The following RUNDC3A variants were observed in gnomAD, a reference collection of about 807,000 sequenced individuals.
RUNDC3A encodes RUN domain-containing protein 3A.
In RUNDC3A, 28 loss-of-function variants were observed where a neutral mutation model predicts 53.9. That is an observed-to-expected ratio of 0.52 (90% CI 0.38 to 0.71). RUNDC3A has a LOEUF of 0.71. RUNDC3A is among the 30% of genes least tolerant of loss of function. The probability of loss-of-function intolerance (pLI) is 0.00; values close to 1 mark genes in which losing one functional copy is unlikely to be tolerated. For synonymous variants in RUNDC3A, 232 were observed against 249.4 expected (o/e 0.93, Z 0.66); for missense variants, 491 against 597.3 (o/e 0.82, Z 1.85).
chr17:44,312,805 G>T, intron 2 of RUNDC3A, 110 bp downstream of exon 2: 1 of 568,094 alleles, frequency 1.8e-6, no homozygotes, highest in South Asian at 2.0e-5. Context: ...CCAACCTTTA[G>T]CTCCCAGCCA....
Position 44,315,717 on chromosome 17 carries a change from C to T in RUNDC3A, c.953+108C>T. 1 of 1,049,360 alleles carries T rather than the reference C, an allele frequency of 9.5e-7. No homozygotes were observed. The highest frequency in any genetic ancestry group is 3.3e-5 in the East Asian group (1 of 30,552). The allele number at this position is 1,049,360 out of a possible 1,614,324, so 65.0% of individuals were successfully genotyped here. A position where few individuals can be genotyped will look rare whatever the true frequency, so the allele number is the denominator to read the frequency against. ...CTCTAACATCACCCGACACGAGCAC[C>T]CACCTCTCCAGCATCAACCCTCTGA... On this transcript the variant is annotated intron_variant, in intron 8 of 10. Coordinates refer to ENST00000426726, the MANE Select transcript of RUNDC3A (RefSeq NM_001144825.2). The surrounding 1 kb of genome is among the most constrained non-coding windows in gnomAD (Gnocchi z 6.1).
chr17:44,318,518 A>T lies in RUNDC3A; in HGVS notation c.*280A>T, dbSNP rs988570951. On this transcript the variant is annotated 3_prime_UTR_variant, in exon 11 of 11. Coordinates refer to ENST00000426726, the MANE Select transcript of RUNDC3A (RefSeq NM_001144825.2). ...CTTCTGGTGACCTTGGCGCTCCTTC[A>T]CTCATCTCCCCTGCCCCCTCAGGAA... is the stretch of plus-strand genomic sequence containing the variant. The T allele has an allele frequency of 2.3e-6, 1 of 430,816 alleles. No individual in the cohort carries two copies. Among genetic ancestry groups the T allele is most frequent in the Non-Finnish European group, 4.3e-6 (1 of 235,056 alleles). 26.7% of individuals were successfully genotyped at this position (430,816 alleles called of 1,614,324 possible). A position where few individuals can be genotyped will look rare whatever the true frequency, so the allele number is the denominator to read the frequency against.
intron 10 of RUNDC3A, chr17:44,317,656 G>A: frequency 2.9e-6 from 2 of 691,596 alleles, no homozygotes; most frequent in Non-Finnish European, 5.4e-6. Context: ...TGTATTGGAT[G>A]ACCCTAGATC....
rs1489026411 is a variant in RUNDC3A at position 44,312,715 on chromosome 17, C to T, written c.223+20C>T. On this transcript the variant is annotated intron_variant, in intron 2 of 10. Coordinates refer to ENST00000426726, the MANE Select transcript of RUNDC3A (RefSeq NM_001144825.2). ...TCAAAGGTGGGCCCAGCGCCCCTCCCCCAGCGGTCCCTCCCCCAGCGCCCC... is the reference window on the plus strand; with the variant it reads ...TCAAAGGTGGGCCCAGCGCCCCTCCTCCAGCGGTCCCTCCCCCAGCGCCCC... The T allele has an allele frequency of 1.5e-6, 2 of 1,346,038 alleles. No individual in the cohort carries two copies. Among genetic ancestry groups the T allele is most frequent in the East Asian group, 2.6e-5 (1 of 38,488 alleles). 83.4% of individuals were successfully genotyped at this position (1,346,038 alleles called of 1,614,324 possible). A position where few individuals can be genotyped will look rare whatever the true frequency, so the allele number is the denominator to read the frequency against.
At chr17:44,313,896 C>T (rs568817345) in intron 4 of RUNDC3A, 38 of 898,218 alleles carry the variant, frequency 4.2e-5, no homozygotes, top group Non-Finnish European at 5.1e-5. Flanking sequence ...TCTCAAACTC[C>T]CAACCTCAGG....
Position 44,310,955 on chromosome 17 carries a change from G to A in RUNDC3A, c.108-1625G>A, listed in dbSNP as rs115888031. On this transcript the variant is annotated intron_variant, in intron 1 of 10. Coordinates refer to ENST00000426726, the MANE Select transcript of RUNDC3A (RefSeq NM_001144825.2). ...CCGCTCCTCACCATCCCTGCCCAGCGGCCCTAGGCACCTACCTTCTCCCAA... is the reference window on the plus strand; with the variant it reads ...CCGCTCCTCACCATCCCTGCCCAGCAGCCCTAGGCACCTACCTTCTCCCAA... The A allele has an allele frequency of 1.6e-3, 1,565 of 985,442 alleles. 22 individuals are homozygous for A. In the African/African-American group the frequency reaches 0.023, roughly 15 times the overall value. The allele number at this position is 985,442 out of a possible 1,614,324, so 61.0% of individuals were successfully genotyped here.
chr17:44,316,748 C>T, intron 10 of RUNDC3A, 23 bp downstream of exon 10: 1 of 1,503,340 alleles, frequency 6.7e-7, no homozygotes, highest in Non-Finnish European at 9.0e-7. Flanking sequence ...AACCCAACAC[C>T]CAGTACCCCT....
In RUNDC3A at chr17:44,312,396, C is replaced by T. The variant is rs115581604; in HGVS notation, c.108-184C>T. Among the ~76,000 whole-genome samples the T allele has an allele frequency of 9.5e-3, 1,440 of 152,220 alleles. 33 individuals carry two copies. The highest frequency in any genetic ancestry group is 0.033 in the African/African-American group (1,366 of 41,526). On this transcript the variant is annotated intron_variant, in intron 1 of 10. Coordinates refer to ENST00000426726, the MANE Select transcript of RUNDC3A (RefSeq NM_001144825.2). ...TTCCTCCCCATCTGCCACCCTCTCA[C>T]TCCACATGACACGGTACCTCTATGG...
rs1211917958 is a variant in RUNDC3A, at chr17:44,315,619, C to T, written c.953+10C>T. 3 of 1,456,276 alleles carry T rather than the reference C, an allele frequency of 2.1e-6. No individual in the cohort carries two copies. Among genetic ancestry groups the T allele is most frequent in the African/African-American group, 1.5e-5 (1 of 68,058 alleles). 90.2% of individuals were successfully genotyped at this position (1,456,276 alleles called of 1,614,324 possible). ...AGCTGCAGGAGCAGCTGTGAGCGCACGGCCTGCCCTAACCCCTGACCCCCG... is the reference window on the plus strand; with the variant it reads ...AGCTGCAGGAGCAGCTGTGAGCGCATGGCCTGCCCTAACCCCTGACCCCCG... On this transcript the variant is annotated intron_variant, in intron 8 of 10. Transcript: ENST00000426726. This position sits in a 1 kb window ranked among gnomAD's most constrained non-coding sequence, Gnocchi z 6.1.
Position 44,315,277 on chromosome 17 carries a change from G to C in RUNDC3A, c.752G>C (p.Trp251Ser). ...GATGAGGACAGCTGGTACAGCAAGT[G>C]GCACAAGATGGAGCAGAAGTTCCGC... ...VTDEDSWYSK[W>S]HKMEQKFRIV... Residue 251 changes from tryptophan to serine, a missense_variant, in exon 7 of 11, where the codon TGG becomes TCG. By Grantham distance (177) the Trp-to-Ser change is radical. Around this residue, in one of 2 missense-constraint regions of RUNDC3A, gnomAD observed 273 missense variants for 389.0 expected, o/e 0.70. Coordinates refer to ENST00000426726, the MANE Select transcript of RUNDC3A (RefSeq NM_001144825.2). The surrounding 1 kb of genome is among the most constrained non-coding windows in gnomAD (Gnocchi z 6.1). 1 of 1,549,516 alleles carries C rather than the reference G, an allele frequency of 6.5e-7. No individual in the cohort carries two copies. Among genetic ancestry groups the C allele is most frequent in the Non-Finnish European group, 8.7e-7 (1 of 1,146,434 alleles).
intron 2 of RUNDC3A, 76 bp downstream of exon 2, chr17:44,312,771 C>T (rs1173015194): frequency 1.5e-6 from 1 of 646,234 alleles, no homozygotes; most frequent in Non-Finnish European, 2.6e-6. Flanking sequence ...CAGCGCCCCT[C>T]CCCCAGCGGT....
intron 1 of RUNDC3A, among the ~76,000 whole-genome samples, chr17:44,311,714 T>C (rs914140567): frequency 3.3e-5 from 5 of 151,964 alleles, no homozygotes; most frequent in African/African-American, 7.3e-5. Context: ...CAGGGGGAGA[T>C]TGCAGGGGTA....
chr17:44,316,993 G>C (rs1291147571), intron 10 of RUNDC3A: 1 of 458,290 alleles, frequency 2.2e-6, no homozygotes, highest in East Asian at 3.4e-5. Context: ...CAGCTAATTT[G>C]TGTATTTTTA....
chr17:44,314,321 G>A, intron 4 of RUNDC3A: 1 of 1,026,078 alleles, frequency 9.7e-7, no homozygotes, highest in Non-Finnish European at 1.2e-6. Flanking sequence ...TGTGGCGGGG[G>A]GCATATACCT....
At position 44,316,400 on chromosome 17, in the gene RUNDC3A, C is replaced by T; in HGVS notation, c.969C>T (p.Pro323=). 6.2e-7 allele frequency: 1 copy of T among 1,613,688 alleles called. No homozygotes were observed. Among genetic ancestry groups the T allele is most frequent in the South Asian group, 1.1e-5 (1 of 91,080 alleles). ...CCCCTCCCAGGACAGGTCTGATCCC[C>T]AGTGACCACGCCCCTCTGGCCCAGG... ...ELQEQLTGLI[P]SDHAPLAQGS... The change falls in exon 9 of 11, where the codon CCC becomes CCT. Residue 323 remains proline (P), a synonymous_variant. Transcript: ENST00000426726.
rs887311962 is a variant in RUNDC3A at position 44,318,062 on chromosome 17, T to C, written c.1199-34T>C. 5 of 1,546,196 alleles carry C rather than the reference T, an allele frequency of 3.2e-6. No homozygotes were observed. The South Asian group carries it at 4.8e-5, about 15-fold the overall frequency. On this transcript the variant is annotated intron_variant, in intron 10 of 10. Coordinates refer to ENST00000426726, the MANE Select transcript of RUNDC3A (RefSeq NM_001144825.2). ...TCTACCAACTCCCACACATGTAGAC[T>C]GGTCGCTTGGCCTCACCTGCCCTCT...
At chr17:44,318,051 C>A in intron 10 of RUNDC3A, 45 bp from the exon 11 acceptor site, 2 of 1,528,932 alleles carry the variant, frequency 1.3e-6, no homozygotes, top group Non-Finnish European at 8.9e-7. Flanking sequence ...CCAACTCCCA[C>A]ACATGTAGAC....
At chr17:44,313,294 C>T (rs2047785546) in intron 3 of RUNDC3A, 42 bp downstream of exon 3, 2 of 1,609,772 alleles carry the variant, frequency 1.2e-6, no homozygotes, top group South Asian at 2.2e-5. Context: ...GCTCTGGACA[C>T]AGGGGGCCTG....
intron 1 of RUNDC3A, among the ~76,000 whole-genome samples, chr17:44,309,497 G>T (rs1470845523): frequency 1.3e-5 from 2 of 152,188 alleles, no homozygotes; most frequent in African/African-American, 2.4e-5. Context: ...TGGGTTCCAG[G>T]TTCAAGGGGA....
Sources: gnomAD v4.1 joint callset for allele counts (sites outside exome capture counted in the v4.1 genomes callset) on GRCh38, gnomAD v4.1.1 for gene constraint, gnomAD v4.1.1 regional missense constraint, Gnocchi (gnomAD v3.1) non-coding constraint, MANE v1.5 for transcripts, NCBI Gene and HGNC (gene_info 2026-07-23, HGNC 2026-07-21) for gene names.